Variants in RECQL5 observed in about 807,000 individuals in gnomAD.
The protein encoded by RECQL5 is ATP-dependent DNA helicase Q5.
A neutral mutation model predicts 103.4 loss-of-function variants in RECQL5; 88 were observed. That is an observed-to-expected ratio of 0.85 (90% CI 0.72 to 1.02). The LOEUF (loss-of-function observed/expected upper bound fraction) is 1.02. Ranked by LOEUF, RECQL5 falls within the 50% of genes least tolerant of loss-of-function variation. The probability of loss-of-function intolerance (pLI) is 0.00; values close to 1 mark genes in which losing one functional copy is unlikely to be tolerated. For synonymous variants in RECQL5, 552 were observed against 507.9 expected (o/e 1.09, Z -1.17); for missense variants, 1,232 against 1,284.3 (o/e 0.96, Z 0.62).
chr17:75,637,527 C>G (rs763113036), intron 8 of RECQL5: 3 of 152,318 alleles, frequency 2.0e-5, no homozygotes, highest in Non-Finnish European at 4.4e-5. Flanking sequence ...TTGTGCAAGC[C>G]TGCTCCACCT....
At chr17:75,664,461 C>G (rs970752649) in intron 3 of RECQL5, among the ~76,000 whole-genome samples, 4 of 152,164 alleles carry the variant, frequency 2.6e-5, no homozygotes, top group Non-Finnish European at 5.9e-5. Flanking sequence ...TGTACAAATA[C>G]AGTTTCATAC....
intron 8 of RECQL5, chr17:75,634,074 G>C: frequency 1.0e-6 from 1 of 985,646 alleles, no homozygotes; most frequent in South Asian, 4.7e-5. Context: ...ACAGCAGCTG[G>C]CTGTCAGCAG....
Position 75,658,295 on chromosome 17 carries a change from T to C in RECQL5, c.1149+3A>G. 6.2e-7 allele frequency: 1 copy of C among 1,613,204 alleles called. No homozygotes were observed. Among genetic ancestry groups the C allele is most frequent in the Non-Finnish European group, 8.5e-7 (1 of 1,179,468 alleles). On this transcript the variant is annotated splice_donor_region_variant and intron_variant, in intron 7 of 19. Transcript: ENST00000317905. ...GAAAGACCTTCTACTGCCCAAGCCT[T>C]ACCTGGAGTTTTGCTACTTCCTTCC...
Position 75,628,349 on chromosome 17 carries a change from G to A in RECQL5, c.2674C>T (p.Gln892Ter). The A allele has an allele frequency of 6.2e-7, 1 of 1,614,058 alleles. No individual in the cohort carries two copies. Among genetic ancestry groups the A allele is most frequent in the Non-Finnish European group, 8.5e-7 (1 of 1,180,038 alleles). Residue 892 changes from glutamine to a stop codon, truncating the protein, a stop_gained, in exon 18 of 20, where the codon CAG (glutamine) becomes TAG (stop). Transcript: ENST00000317905. LOFTEE classifies it high-confidence loss of function. ...EVKGSVSASEQGTLNPTAQDP... is the reference protein window; with the variant it reads ...EVKGSVSASE ...TGAGCCGTGGGATTCAAGGTGCCCT[G>A]TTCGCTGGCCGAGACGCTGCCCTTG...
Position 75,662,840 on chromosome 17 carries a change from G to T in RECQL5, c.410C>A (p.Ser137Tyr). Reference sequence around the variant, plus strand: ...CAGGGAGTTCAGGGTGGGCTGGAAGGAGGATGAAGCTGCCATCTCTGGGGT... The same window carrying T: ...CAGGGAGTTCAGGGTGGGCTGGAAGTAGGATGAAGCTGCCATCTCTGGGGT... The part of the protein sequence containing the change: ...YITPEMAASS[S>Y]FQPTLNSLVS... The change falls in exon 4 of 20, where the codon TCC becomes TAC. Residue 137 changes from serine (S) to tyrosine (Y), a missense_variant. Ser to Tyr is a moderately radical substitution (Grantham distance 144, BLOSUM62 -2). Transcript: ENST00000317905. The T allele has an allele frequency of 6.2e-7, 1 of 1,614,172 alleles. No individual in the cohort carries two copies. The highest frequency in any genetic ancestry group is 8.5e-7 in the Non-Finnish European group (1 of 1,180,032).
rs1251946579 is a variant in RECQL5, at chr17:75,630,160, T to C, written c.1812+24A>G. 2.0e-6 allele frequency: 3 copies of C among 1,524,672 alleles called. No individual in the cohort carries two copies. The South Asian group carries it at 3.7e-5, about 19-fold the overall frequency. The allele number at this position is 1,524,672 out of a possible 1,614,324, so 94.4% of individuals were successfully genotyped here. ...TATGGAGGGGCCCCTGCAACGACCC[T>C]GGGTCCGCCTGCACCAGGCCCACCT... On this transcript the variant is annotated intron_variant, in intron 14 of 19. Coordinates refer to ENST00000317905, the MANE Select transcript of RECQL5 (RefSeq NM_004259.7).
intron 3 of RECQL5, 92 bp downstream of exon 3, chr17:75,664,959 G>A: frequency 2.8e-6 from 4 of 1,404,430 alleles, no homozygotes; most frequent in Admixed American, 2.9e-5. Context: ...GAAAATAAGA[G>A]GCAAAAGACC....
At chr17:75,664,070 A>AG (rs1555714508) in intron 3 of RECQL5, among the ~76,000 whole-genome samples, 91 of 149,312 alleles carry the variant, frequency 6.1e-4, no homozygotes, top group East Asian at 2.7e-3. Flanking sequence ...AAAAAAAAAA[A>AG]AAAGAAAGAA....
intron 4 of RECQL5, among the ~76,000 whole-genome samples, chr17:75,661,990 C>T (rs945046931): frequency 3.9e-5 from 6 of 152,218 alleles, no homozygotes; most frequent in African/African-American, 1.4e-4. Flanking sequence ...GGAGAAACCC[C>T]GTCTCTGCTA....
chr17:75,666,504 ACT>A lies in RECQL5; in HGVS notation c.52_53del (p.Ser18TyrfsTer9), dbSNP rs751254170. The A allele has an allele frequency of 6.2e-6, 10 of 1,613,834 alleles. No individual in the cohort carries two copies. The highest frequency in any genetic ancestry group is 8.5e-6 in the Non-Finnish European group (10 of 1,180,012). ...FPFDPERRVR[S>X]TLKKVFGFDS... ...CAAACCCAAAGACCTTCTTCAGCGT[ACT>A]CCGGACTCGCCGCTCAGGGTCAAAA... On this transcript the variant is annotated frameshift_variant, in exon 2 of 20. Coordinates refer to ENST00000317905, the MANE Select transcript of RECQL5 (RefSeq NM_004259.7). LOFTEE classifies it high-confidence loss of function.
intron 7 of RECQL5, among the ~76,000 whole-genome samples, chr17:75,653,514 T>C (rs922855322): frequency 1.3e-5 from 2 of 152,160 alleles, no homozygotes; most frequent in African/African-American, 4.8e-5. Flanking sequence ...CATTTGTGAG[T>C]GATGTGATTA....
At position 75,630,841 on chromosome 17, in the gene RECQL5, T is replaced by TCGGG. The variant is rs1555706009; in HGVS notation, c.1586-5_1586-4insCCCG. On this transcript the variant is annotated splice_polypyrimidine_tract_variant and splice_region_variant and intron_variant, in intron 11 of 19. Transcript: ENST00000317905. ...TCTTTCAGGGGACAGTTCTCATCTG[T>TCGGG]GGGGGGGGGGGGTGGTCCTTGGTCC... 1 of 983,600 alleles carries TCGGG rather than the reference T, an allele frequency of 1.0e-6. No homozygotes were observed. The highest frequency in any genetic ancestry group is 3.2e-5 in the African/African-American group (1 of 31,278). The allele number at this position is 983,600 out of a possible 1,614,324, so 60.9% of individuals were successfully genotyped here.
At chr17:75,647,635 C>G (rs1340200496) in intron 8 of RECQL5, 1 of 1,459,060 alleles carries the variant, frequency 6.9e-7, no homozygotes. Flanking sequence ...AGTGGTGGGC[C>G]CCTTCGCGGT....
In RECQL5 at chr17:75,665,161, C is replaced by T. The variant is rs548064379; in HGVS notation, c.142G>A (p.Val48Ile). The T allele has an allele frequency of 2.5e-6, 4 of 1,609,070 alleles. No homozygotes were observed. Among genetic ancestry groups the T allele is most frequent in the Middle Eastern group, 1.7e-4 (1 of 6,046 alleles). Residue 48 changes from valine to isoleucine, a missense_variant, in exon 3 of 20, where the codon GTC (valine) becomes ATC (isoleucine). Coordinates refer to ENST00000317905, the MANE Select transcript of RECQL5 (RefSeq NM_004259.7). ...TMAVVKGNKD[V>I]FVCMPTGAGK... is the part of the protein sequence containing the mutation. ...GCCCCTGTGGGCATGCACACAAAGA[C>T]GTCCTTGTTACCTGAAAAAATACAA...
Position 75,629,102 on chromosome 17 carries a change from C to G in RECQL5, c.2321G>C (p.Ser774Thr), listed in dbSNP as rs1262831741. The change falls in exon 16 of 20, where the codon AGC (serine) becomes ACC (threonine). Residue 774 changes from serine to threonine, a missense_variant. Physicochemically the swap from Ser to Thr is moderately conservative, Grantham distance 58 (BLOSUM62 1). Transcript: ENST00000317905. ...TGGGGCTGATGCCAGCAGAGCTGGGCTTTCCACCCTTCGGCAGAAGAAGCG... is the reference window on the plus strand; with the variant it reads ...TGGGGCTGATGCCAGCAGAGCTGGGGTTTCCACCCTTCGGCAGAAGAAGCG... The part of the protein sequence containing the change: ...IARFFCRRVE[S>T]PALLASAPEA... 1.9e-6 allele frequency: 3 copies of G among 1,613,552 alleles called. No homozygotes were observed. The highest frequency in any genetic ancestry group is 1.1e-5 in the South Asian group (1 of 91,092).
intron 8 of RECQL5, chr17:75,649,844 T>C: frequency 1.0e-6 from 1 of 985,486 alleles, no homozygotes; most frequent in Non-Finnish European, 1.2e-6. Flanking sequence ...AGTCCACAGA[T>C]GCCTGGACCC....
Position 75,628,212 on chromosome 17 carries a change from C to A in RECQL5, c.2805+6G>T. The stretch of plus-strand genomic sequence containing the variant: ...GGAGAAGGCAGAGCCCACTCACTCC[C>A]CCTACCTTGGAAGCAAACTTGCCCT... On this transcript the variant is annotated splice_donor_region_variant and intron_variant, in intron 18 of 19. Coordinates refer to ENST00000317905, the MANE Select transcript of RECQL5 (RefSeq NM_004259.7). 2 of 1,612,550 alleles carry A rather than the reference C, an allele frequency of 1.2e-6. No homozygotes were observed. Among genetic ancestry groups the A allele is most frequent in the Non-Finnish European group, 1.7e-6 (2 of 1,178,650 alleles).
intron 17 of RECQL5, 107 bp from the exon 18 acceptor site, chr17:75,628,549 C>T: frequency 6.6e-7 from 1 of 1,513,248 alleles, no homozygotes; most frequent in South Asian, 1.2e-5. Flanking sequence ...TCCAGCCCAG[C>T]CCATCTGCTG....
Position 75,627,203 on chromosome 17 carries a change from CG to C in RECQL5, c.*218del. The C allele has an allele frequency of 1.5e-6, 1 of 657,876 alleles. No homozygotes were observed. The highest frequency in any genetic ancestry group is 2.4e-4 in the Middle Eastern group (1 of 4,124). 40.8% of individuals were successfully genotyped at this position (657,876 alleles called of 1,614,324 possible). On this transcript the variant is annotated 3_prime_UTR_variant, in exon 20 of 20. Coordinates refer to ENST00000317905, the MANE Select transcript of RECQL5 (RefSeq NM_004259.7). Reference sequence around the variant, plus strand: ...TCCCAGAAAACCCAGCCATGAGGACCGCTCTGAGAAGGGTCTATAGGCTTTG... The same window carrying C: ...TCCCAGAAAACCCAGCCATGAGGACCCTCTGAGAAGGGTCTATAGGCTTTG...
Sources: gnomAD v4.1 joint callset for allele counts (sites outside exome capture counted in the v4.1 genomes callset) on GRCh38, gnomAD v4.1.1 for gene constraint, MANE v1.5 for transcripts, NCBI Gene and HGNC (gene_info 2026-07-23, HGNC 2026-07-21) for gene names.